AGBL4: variants seen among roughly 807,000 people sequenced by gnomAD.
AGBL4 encodes cytosolic carboxypeptidase 6.
A neutral mutation model predicts 66.4 loss-of-function variants in AGBL4; 58 were observed. That is an observed-to-expected ratio of 0.87 (90% CI 0.71 to 1.09). The LOEUF is 1.09. AGBL4 is among the 50% of genes least tolerant of loss of function. AGBL4 has a pLI of 0.00. For missense variants in AGBL4, 579 were observed against 631.0 expected (o/e 0.92, Z 0.88); for synonymous variants, 234 against 222.9 (o/e 1.05, Z -0.44).
chr1:49,877,624 T>C (rs1461333571), intron 1 of AGBL4, among the ~76,000 whole-genome samples: 1 of 152,080 alleles, frequency 6.6e-6, no homozygotes, highest in Non-Finnish European at 1.5e-5. Flanking sequence ...AATTCTCTTT[T>C]TTGGTTGTGT....
intron 1 of AGBL4, among the ~76,000 whole-genome samples, chr1:50,010,857 T>C (rs895522812): frequency 1.3e-5 from 2 of 152,126 alleles, no homozygotes; most frequent in Non-Finnish European, 2.9e-5. Flanking sequence ...AATCAAACTA[T>C]AAAACTACTA....
intron 8 of AGBL4, chr1:48,647,720 G>A (rs878941896): frequency 1.9e-5 from 7 of 362,356 alleles, no homozygotes; most frequent in African/African-American, 8.5e-5. Flanking sequence ...AGCGCCGTGG[G>A]GTATAGGTGG....
chr1:49,475,178 G>C (rs888141021), intron 3 of AGBL4, among the ~76,000 whole-genome samples: 30 of 152,002 alleles, frequency 2.0e-4, no homozygotes, highest in African/African-American at 7.2e-4. Flanking sequence ...TGCTTTTCCT[G>C]CATCTATTGA....
chr1:49,033,022 C>T (rs1664354270), intron 5 of AGBL4, among the ~76,000 whole-genome samples: 5 of 152,034 alleles, frequency 3.3e-5, no homozygotes, highest in Admixed American at 3.3e-4. Context: ...TCACAATTCC[C>T]AGCACCTTTG....
At chr1:49,252,427 C>A (rs1337094998) in intron 3 of AGBL4, among the ~76,000 whole-genome samples, 5 of 152,102 alleles carry the variant, frequency 3.3e-5, no homozygotes, top group Admixed American at 3.3e-4. Flanking sequence ...ATCAAATCTA[C>A]AACTGACTGG....
chr1:49,001,137 TTGCAGGTC>T lies in AGBL4; in HGVS notation c.594+44439_594+44446del, dbSNP rs141861127. 1.4e-3 allele frequency among the ~76,000 whole-genome samples: 218 copies of T among 152,328 alleles called. 1 individual carries two copies. The highest frequency in any genetic ancestry group is 5.1e-3 in the African/African-American group (213 of 41,568). ...ACCATTATGCTTCATTTTTAGGAACTTGCAGGTCTGCTTTGTTTCGAGAAGCTTCTGTG... is the reference window on the plus strand; with the variant it reads ...ACCATTATGCTTCATTTTTAGGAACTTGCTTTGTTTCGAGAAGCTTCTGTG... On this transcript the variant is annotated intron_variant, in intron 5 of 13. Coordinates refer to ENST00000371839, the MANE Select transcript of AGBL4 (RefSeq NM_032785.4).
intron 3 of AGBL4, among the ~76,000 whole-genome samples, chr1:49,552,386 C>T (rs1653034516): frequency 6.6e-6 from 1 of 152,174 alleles, no homozygotes; most frequent in South Asian, 2.1e-4. Context: ...TGGTGTTTGC[C>T]CCCCTGCTCC....
chr1:49,770,078 G>A lies in AGBL4; in HGVS notation c.158-72641C>T, dbSNP rs537268359. On this transcript the variant is annotated intron_variant, in intron 2 of 13. Transcript: ENST00000371839. ...ATTTCGGCTGGGCGCGGTGACTCACGCCTGTAATCCCAGCACTTTAGGAGG... is the reference window on the plus strand; with the variant it reads ...ATTTCGGCTGGGCGCGGTGACTCACACCTGTAATCCCAGCACTTTAGGAGG... Among the ~76,000 whole-genome samples the A allele has an allele frequency of 3.9e-5, 6 of 152,246 alleles. No individual in the cohort carries two copies. The East Asian group carries it at 5.8e-4, about 15-fold the overall frequency.
intron 5 of AGBL4, among the ~76,000 whole-genome samples, chr1:48,914,546 G>A (rs947239359): frequency 2.0e-5 from 3 of 152,196 alleles, no homozygotes; most frequent in African/African-American, 7.2e-5. Context: ...ATTTTAATAT[G>A]GAAGAGACTT....
chr1:49,961,567 T>C (rs2148344382), intron 1 of AGBL4, among the ~76,000 whole-genome samples: 1 of 152,248 alleles, frequency 6.6e-6, no homozygotes, highest in East Asian at 1.9e-4. Context: ...TCTACTACTA[T>C]GAATACCATT....
At chr1:49,396,351 T>C (rs1047964345) in intron 3 of AGBL4, among the ~76,000 whole-genome samples, 5 of 151,774 alleles carry the variant, frequency 3.3e-5, no homozygotes, top group Admixed American at 6.6e-5. Flanking sequence ...TGTGTGTGTG[T>C]GCGTGTGTGT....
chr1:49,703,526 A>G (rs80226460), intron 2 of AGBL4, among the ~76,000 whole-genome samples: 1 of 144,342 alleles, frequency 6.9e-6, no homozygotes, highest in African/African-American at 2.5e-5. Flanking sequence ...ATTCATGATT[A>G]AAAAAAAAAA....
intron 4 of AGBL4, among the ~76,000 whole-genome samples, chr1:49,170,835 G>A (rs1051353059): frequency 6.6e-6 from 1 of 152,016 alleles, no homozygotes; most frequent in African/African-American, 2.4e-5. Flanking sequence ...TACAGTAACA[G>A]CGCCATTTAT....
intron 1 of AGBL4, among the ~76,000 whole-genome samples, chr1:49,930,625 A>C (rs1165580179): frequency 6.6e-6 from 1 of 152,166 alleles, no homozygotes; most frequent in Non-Finnish European, 1.5e-5. Context: ...GGTTGGTTTA[A>C]CATTCAAAAA....
chr1:49,262,271 C>G (rs563004702), intron 3 of AGBL4, among the ~76,000 whole-genome samples: 1 of 151,160 alleles, frequency 6.6e-6, no homozygotes, highest in African/African-American at 2.4e-5. Flanking sequence ...ATGTCTAAAA[C>G]ACTTCATGGC....
chr1:49,219,583 G>A (rs1052303519), intron 4 of AGBL4, among the ~76,000 whole-genome samples: 4 of 152,116 alleles, frequency 2.6e-5, no homozygotes, highest in African/African-American at 7.2e-5. Flanking sequence ...TGTAGGCAAA[G>A]GATTCAATAC....
chr1:49,637,087 C>G (rs1645688746), intron 3 of AGBL4, among the ~76,000 whole-genome samples: 1 of 152,262 alleles, frequency 6.6e-6, no homozygotes, highest in South Asian at 2.1e-4. Context: ...GCTTCCTGCC[C>G]TTGAACACTG....
chr1:49,407,558 A>G (rs779726206), intron 3 of AGBL4, among the ~76,000 whole-genome samples: 3 of 152,244 alleles, frequency 2.0e-5, no homozygotes, highest in Non-Finnish European at 4.4e-5. Flanking sequence ...ACTAATAGCT[A>G]TACAGATTTT....
chr1:48,580,125 G>C (rs1229433656), intron 11 of AGBL4, among the ~76,000 whole-genome samples: 2 of 152,130 alleles, frequency 1.3e-5, no homozygotes, highest in African/African-American at 2.4e-5. Context: ...TCAGACATGA[G>C]AGCCAGTGGA....
Sources: allele counts gnomAD v4.1 joint callset (sites outside exome capture counted in the v4.1 genomes callset), GRCh38; gene constraint gnomAD v4.1.1; transcripts MANE v1.5; gene names NCBI Gene and HGNC (gene_info 2026-07-23, HGNC 2026-07-21).